Variants in CDC5L observed in about 807,000 individuals in gnomAD.
CDC5L encodes cell division cycle 5 like.
In CDC5L, 18 loss-of-function variants were observed where a neutral mutation model predicts 104.1. The observed-to-expected ratio is 0.17, with a 90% CI of 0.12 to 0.26. The LOEUF (loss-of-function observed/expected upper bound fraction) is 0.26, where lower values mean the gene tolerates loss of function less well. CDC5L is among the 10% of genes least tolerant of loss of function. The probability of loss-of-function intolerance (pLI) is 1.00; values close to 1 mark genes in which losing one functional copy is unlikely to be tolerated. For missense variants in CDC5L, 673 were observed against 956.9 expected (o/e 0.70, Z 3.91); for synonymous variants, 331 against 322.7 (o/e 1.03, Z -0.28).
intron 8 of CDC5L, among the ~76,000 whole-genome samples, chr6:44,417,856 A>G (rs2153380180): frequency 6.6e-6 from 1 of 152,358 alleles, no homozygotes; most frequent in South Asian, 2.1e-4. Flanking sequence ...TCAGTGGTGA[A>G]GCCAGACTAA....
intron 1 of CDC5L, among the ~76,000 whole-genome samples, chr6:44,388,675 C>CTT (rs975766196): frequency 0.02 from 2,679 of 131,006 alleles, 151 homozygotes; most frequent in Admixed American, 0.13. Context: ...TTTATGGCTT[C>CTT]TTTTTTTTTT....
At chr6:44,439,665 T>C (rs1793091913) in intron 14 of CDC5L, among the ~76,000 whole-genome samples, 1 of 152,196 alleles carries the variant, frequency 6.6e-6, no homozygotes, top group Admixed American at 6.5e-5. Context: ...CCTTAGTTGT[T>C]AGGGAAAAGA....
chr6:44,403,979 C>T lies in CDC5L; in HGVS notation c.710C>T (p.Ala237Val), dbSNP rs1407500176. 6.2e-7 allele frequency: 1 copy of T among 1,612,566 alleles called. No homozygotes were observed. Among genetic ancestry groups the T allele is most frequent in the South Asian group, 1.1e-5 (1 of 90,388 alleles). Residue 237 changes from alanine to valine, a missense_variant, in exon 6 of 16, where the codon GCA becomes GTA. Ala to Val is a moderately conservative substitution (Grantham distance 64, BLOSUM62 0). Coordinates refer to ENST00000371477, the MANE Select transcript of CDC5L (RefSeq NM_001253.4). ...TSEENYQALDADFRKLRQQDL... is the reference protein window; with the variant it reads ...TSEENYQALDVDFRKLRQQDL... ...GAGGAAAACTACCAAGCTCTTGACG[C>T]AGATTTCAGGAAATTAAGACAACAG...
intron 14 of CDC5L, among the ~76,000 whole-genome samples, chr6:44,434,422 AT>A (rs1228535584): frequency 2.0e-5 from 3 of 152,332 alleles, no homozygotes; most frequent in African/African-American, 7.2e-5. Context: ...AGGTTCACTG[AT>A]AAAAATGCTG....
intron 11 of CDC5L, among the ~76,000 whole-genome samples, chr6:44,424,891 G>T (rs1046463009): frequency 4.6e-5 from 7 of 152,052 alleles, no homozygotes; most frequent in African/African-American, 1.7e-4. Flanking sequence ...GCAAAGAAAA[G>T]ATGTTATTGG....
In CDC5L at chr6:44,449,200, T is replaced by TA. The variant is rs1793561590; in HGVS notation, c.*2490dup. The TA allele has an allele frequency of 6.6e-6, 1 of 152,244 alleles. No homozygotes were observed. Among genetic ancestry groups the TA allele is most frequent in the Non-Finnish European group, 1.5e-5 (1 of 68,048 alleles). 9.4% of individuals were successfully genotyped at this position (152,244 alleles called of 1,614,324 possible). On this transcript the variant is annotated 3_prime_UTR_variant, in exon 16 of 16. Coordinates refer to ENST00000371477, the MANE Select transcript of CDC5L (RefSeq NM_001253.4). Reference sequence around the variant, plus strand: ...ATAGCCTAAAAAAATCGGCAGGAATTACAAAATTTCAAAACTGGCACATTG... The same window carrying TA: ...ATAGCCTAAAAAAATCGGCAGGAATTAACAAAATTTCAAAACTGGCACATTG...
At chr6:44,391,002 TATGTTATATATTATATATTAA>T (rs1790577214) in intron 2 of CDC5L, among the ~76,000 whole-genome samples, 1 of 121,090 alleles carries the variant, frequency 8.3e-6, no homozygotes, top group African/African-American at 2.9e-5. Context: ...ACATATTTAA[TATGTTATATATTATATATTAA>T]ACATATTTAA....
In CDC5L at chr6:44,429,877, G is replaced by A; in HGVS notation, c.2058G>A (p.Lys686=). The change falls in exon 14 of 16, where the codon AAG becomes AAA. Residue 686 remains lysine (K), a synonymous_variant. Coordinates refer to ENST00000371477, the MANE Select transcript of CDC5L (RefSeq NM_001253.4). ...RYTRANLASK[K]DRIESLEKRL... is the part of the protein sequence containing the mutation. ...CACGGGCCAATCTGGCTAGTAAAAA[G>A]GACAGAATTGAATCACTTGAAAAGA... is the stretch of plus-strand genomic sequence containing the variant. 6.2e-7 allele frequency: 1 copy of A among 1,613,960 alleles called. No individual in the cohort carries two copies. Among genetic ancestry groups the A allele is most frequent in the Non-Finnish European group, 8.5e-7 (1 of 1,179,900 alleles).
At position 44,424,510 on chromosome 6, in the gene CDC5L, A is replaced by G. The variant is rs749614395; in HGVS notation, c.1496A>G (p.Glu499Gly). The G allele has an allele frequency of 1.9e-6, 3 of 1,614,002 alleles. No individual in the cohort carries two copies. The South Asian group carries it at 3.3e-5, about 18-fold the overall frequency. The change falls in exon 11 of 16, where the codon GAG becomes GGG. Residue 499 changes from glutamate (E) to glycine (G), a missense_variant. By Grantham distance (98) the Glu-to-Gly change is moderately conservative. Coordinates refer to ENST00000371477, the MANE Select transcript of CDC5L (RefSeq NM_001253.4). Reference protein sequence around the residue: ...DFEIVLPENAEKELEEREIDD... With the variant: ...DFEIVLPENAGKELEEREIDD... ...GAAATTGTTCTACCAGAAAATGCCG[A>G]GAAGGAGCTGGAAGAACGTGAAATA...
In CDC5L at chr6:44,403,751, A is replaced by G. The variant is rs1340240998; in HGVS notation, c.540-58A>G. Reference sequence around the variant, plus strand: ...GATACTTTTTTTTTAACTGTATGGGATAATTTATCCCTGTCACATGGCATA... The same window carrying G: ...GATACTTTTTTTTTAACTGTATGGGGTAATTTATCCCTGTCACATGGCATA... On this transcript the variant is annotated intron_variant, in intron 5 of 15. Coordinates refer to ENST00000371477, the MANE Select transcript of CDC5L (RefSeq NM_001253.4). 4 of 1,202,094 alleles carry G rather than the reference A, an allele frequency of 3.3e-6. No individual in the cohort carries two copies. The Admixed American group carries it at 8.6e-5, about 26-fold the overall frequency. The allele number at this position is 1,202,094 out of a possible 1,614,324, so 74.5% of individuals were successfully genotyped here.
chr6:44,391,182 A>G (rs191142622), intron 2 of CDC5L, among the ~76,000 whole-genome samples: 1,744 of 147,862 alleles, frequency 0.012, 19 homozygotes, highest in Middle Eastern at 0.05. Context: ...TGTATATATT[A>G]AACATATTTA....
chr6:44,422,465 C>G (rs544641722), intron 9 of CDC5L, among the ~76,000 whole-genome samples, 182 bp from the exon 10 acceptor site: 1 of 152,196 alleles, frequency 6.6e-6, no homozygotes, highest in Non-Finnish European at 1.5e-5. Context: ...AAATACCATG[C>G]TAGCTAGACC....
intron 14 of CDC5L, among the ~76,000 whole-genome samples, chr6:44,438,732 G>A (rs78372022): frequency 0.016 from 2,292 of 142,120 alleles, 13 homozygotes; most frequent in Non-Finnish European, 0.024. Flanking sequence ...AACTTAGAAA[G>A]TACTGCTTTT....
Position 44,447,689 on chromosome 6 carries a change from A to T in CDC5L, c.*978A>T, listed in dbSNP as rs1793502262. On this transcript the variant is annotated 3_prime_UTR_variant, in exon 16 of 16. Coordinates refer to ENST00000371477, the MANE Select transcript of CDC5L (RefSeq NM_001253.4). ...ATATTGAATGTATACCCTGTGCCAGAGTCTTAGAGAGAGAACAACAAACAA... is the reference window on the plus strand; with the variant it reads ...ATATTGAATGTATACCCTGTGCCAGTGTCTTAGAGAGAGAACAACAAACAA... The T allele has an allele frequency of 6.6e-6, 1 of 152,212 alleles. No homozygotes were observed. Among genetic ancestry groups the T allele is most frequent in the Non-Finnish European group, 1.5e-5 (1 of 68,032 alleles). The allele number at this position is 152,212 out of a possible 1,614,324, so 9.4% of individuals were successfully genotyped here.
chr6:44,438,318 GA>G (rs1474266302), intron 14 of CDC5L, among the ~76,000 whole-genome samples: 1 of 152,152 alleles, frequency 6.6e-6, no homozygotes. Flanking sequence ...TATCTTATTG[GA>G]AATGAGGACT....
chr6:44,395,093 A>G (rs1463872578), intron 4 of CDC5L, among the ~76,000 whole-genome samples: 2 of 152,164 alleles, frequency 1.3e-5, no homozygotes, highest in Non-Finnish European at 2.9e-5. Context: ...GAATAGAGTG[A>G]TAGATGCCAG....
At chr6:44,407,476 G>A (rs1023187302) in intron 7 of CDC5L, among the ~76,000 whole-genome samples, 4 of 152,204 alleles carry the variant, frequency 2.6e-5, no homozygotes, top group Middle Eastern at 3.4e-3. Flanking sequence ...GTAGGCGTGC[G>A]CCACCATGCC....
At chr6:44,399,890 A>G (rs1295702635) in intron 5 of CDC5L, among the ~76,000 whole-genome samples, 2 of 152,022 alleles carry the variant, frequency 1.3e-5, no homozygotes, top group Admixed American at 1.3e-4. Flanking sequence ...TGACCTCGTG[A>G]TCTGCCTGCC....
chr6:44,417,297 T>C (rs1791951619), intron 8 of CDC5L, among the ~76,000 whole-genome samples: 1 of 152,166 alleles, frequency 6.6e-6, no homozygotes, highest in Admixed American at 6.5e-5. Flanking sequence ...ATGTGGTCTT[T>C]CCATGAGGCT....
Sources: allele counts gnomAD v4.1 joint callset (sites outside exome capture counted in the v4.1 genomes callset), GRCh38; gene constraint gnomAD v4.1.1; transcripts MANE v1.5; gene names NCBI Gene and HGNC (gene_info 2026-07-23, HGNC 2026-07-21).